PGPEP1L: variants seen among roughly 807,000 people sequenced by gnomAD.
PGPEP1L encodes the protein pyroglutamyl-peptidase I like, also known as pyroglutamyl-peptidase 1-like protein.
PGPEP1L carries 7 observed loss-of-function variants against 6.0 expected under a neutral mutation model. That is an observed-to-expected ratio of 1.17 (90% CI 0.66 to 2.19). The LOEUF (loss-of-function observed/expected upper bound fraction) is 2.19. PGPEP1L is among the 30% of genes most tolerant of loss of function. The pLI is 0.00. For missense variants in PGPEP1L, 209 were observed against 192.5 expected, an observed-to-expected ratio of 1.09 and a Z score of -0.51; for synonymous variants, 103 against 83.9, an observed-to-expected ratio of 1.23 and a Z score of -1.24.
chr15:98,969,282 C>G (rs1379603998), intron 4 of PGPEP1L, 143 bp downstream of exon 4: 2 of 1,007,848 alleles, frequency 2.0e-6, no homozygotes, highest in South Asian at 2.9e-5. Context: ...CTGCACACAG[C>G]AAAGAGGGGC....
At chr15:98,999,539 G>C (rs1002340795) in intron 2 of PGPEP1L, among the ~76,000 whole-genome samples, 2 of 152,082 alleles carry the variant, frequency 1.3e-5, no homozygotes, top group Non-Finnish European at 2.9e-5. Flanking sequence ...TTTTTTAATT[G>C]AAAGTGGATT....
intron 2 of PGPEP1L, among the ~76,000 whole-genome samples, chr15:99,004,247 TAA>T (rs1292941223): frequency 2.0e-5 from 3 of 151,040 alleles, no homozygotes. Context: ...TACTAAAAAC[TAA>T]AATAAAATAA....
At chr15:98,992,100 G>A (rs1555472141) in intron 2 of PGPEP1L, among the ~76,000 whole-genome samples, 2 of 152,134 alleles carry the variant, frequency 1.3e-5, no homozygotes, top group South Asian at 2.1e-4. Context: ...TTCTGGTCAG[G>A]GCAGTCAGGC....
chr15:98,981,452 T>C (rs1296928464), intron 2 of PGPEP1L, among the ~76,000 whole-genome samples: 5 of 143,036 alleles, frequency 3.5e-5, no homozygotes, highest in South Asian at 2.2e-4. Flanking sequence ...ATCGCACCAC[T>C]GCACTCCAGC....
intron 2 of PGPEP1L, among the ~76,000 whole-genome samples, chr15:98,990,296 AAGC>A (rs1322721011): frequency 3.9e-5 from 6 of 152,178 alleles, no homozygotes; most frequent in African/African-American, 1.4e-4. Context: ...AGAAAAAAAA[AAGC>A]AGCAGTTACA....
intron 2 of PGPEP1L, among the ~76,000 whole-genome samples, chr15:98,995,778 G>A (rs8031560): frequency 0.059 from 8,904 of 151,940 alleles, 370 homozygotes; most frequent in African/African-American, 0.12. Context: ...AATCTATCAC[G>A]CCCAAAAAAC....
intron 2 of PGPEP1L, among the ~76,000 whole-genome samples, chr15:98,971,494 CAA>C (rs532562581): frequency 6.6e-6 from 1 of 150,840 alleles, no homozygotes; most frequent in Non-Finnish European, 1.5e-5. Context: ...ACTCTGTTTC[CAA>C]AAAAAGAAAA....
Position 98,971,053 on chromosome 15 carries a change from C to G in PGPEP1L, c.-36G>C, listed in dbSNP as rs548090093. 6.2e-7 allele frequency: 1 copy of G among 1,613,838 alleles called. No individual in the cohort carries two copies. The highest frequency in any genetic ancestry group is 1.1e-5 in the South Asian group (1 of 91,076). On this transcript the variant is annotated 5_prime_UTR_variant, in exon 3 of 5. Transcript: ENST00000535714. ...TCACTTACTTGCGGCTGATGATCTT[C>G]CCAGATTCCGGTGACCCTCCGCTTA... is the stretch of plus-strand genomic sequence containing the variant.
chr15:98,969,380 G>A lies in PGPEP1L; in HGVS notation c.209+45C>T, dbSNP rs995843444. 4 of 1,606,638 alleles carry A rather than the reference G, an allele frequency of 2.5e-6. No homozygotes were observed. In the African/African-American group the frequency reaches 5.3e-5, roughly 21 times the overall value. On this transcript the variant is annotated intron_variant, in intron 4 of 4. Coordinates refer to ENST00000535714, the MANE Select transcript of PGPEP1L (RefSeq NM_001167902.2). ...GGTCGGGGGGACGCTGACGGCCATT[G>A]CTTCTCTCCTACCTGCTCAGAGTCC...
At chr15:98,989,562 G>T (rs1224554862) in intron 2 of PGPEP1L, among the ~76,000 whole-genome samples, 1 of 152,140 alleles carries the variant, frequency 6.6e-6, no homozygotes, top group Non-Finnish European at 1.5e-5. Flanking sequence ...ACTATTCAGG[G>T]TATTATCCAG....
intron 2 of PGPEP1L, among the ~76,000 whole-genome samples, chr15:98,993,408 T>A (rs1567241428): frequency 6.6e-6 from 1 of 152,186 alleles, no homozygotes; most frequent in African/African-American, 2.4e-5. Flanking sequence ...TATCATCTCA[T>A]GCCAGTTAGA....
intron 2 of PGPEP1L, among the ~76,000 whole-genome samples, chr15:98,991,061 AG>A (rs782184652): frequency 3.9e-5 from 6 of 152,218 alleles, no homozygotes; most frequent in Non-Finnish European, 8.8e-5. Flanking sequence ...GAACTAGGGA[AG>A]CAAGAACAAA....
At chr15:99,007,081 G>A (rs782241826) in intron 1 of PGPEP1L, among the ~76,000 whole-genome samples, 23 of 152,146 alleles carry the variant, frequency 1.5e-4, no homozygotes, top group Non-Finnish European at 2.8e-4. Flanking sequence ...GTGGCTTTCT[G>A]GGATTCTGAA....
At chr15:98,981,406 C>T (rs938023385) in intron 2 of PGPEP1L, among the ~76,000 whole-genome samples, 5 of 149,288 alleles carry the variant, frequency 3.3e-5, no homozygotes, top group East Asian at 4.1e-4. Flanking sequence ...AGGAGAATGG[C>T]GTGAACCCGG....
chr15:98,978,505 T>C (rs142659011), intron 2 of PGPEP1L, among the ~76,000 whole-genome samples: 2 of 152,228 alleles, frequency 1.3e-5, no homozygotes, highest in Non-Finnish European at 2.9e-5. Context: ...TGGAAGTGGA[T>C]GTGAGGATGG....
intron 2 of PGPEP1L, among the ~76,000 whole-genome samples, chr15:99,000,946 T>C (rs1489419739): frequency 6.6e-6 from 1 of 152,092 alleles, no homozygotes; most frequent in African/African-American, 2.4e-5. Context: ...TTATGAGCTG[T>C]AACTCACCAC....
At chr15:99,005,869 A>G (rs2018049725) in intron 1 of PGPEP1L, among the ~76,000 whole-genome samples, 2 of 152,306 alleles carry the variant, frequency 1.3e-5, no homozygotes, top group South Asian at 2.1e-4. Flanking sequence ...CATGGTGCTC[A>G]AAGAGGTACT....
rs2017968232 is a variant in PGPEP1L, at chr15:99,001,453, T to C, written c.-142+3976A>G. Among the ~76,000 whole-genome samples, 3 of 152,276 alleles carry C rather than the reference T, an allele frequency of 2.0e-5. No individual in the cohort carries two copies. In the South Asian group the frequency reaches 6.2e-4, roughly 32 times the overall value. On this transcript the variant is annotated intron_variant, in intron 2 of 4. Coordinates refer to ENST00000535714, the MANE Select transcript of PGPEP1L (RefSeq NM_001167902.2). ...AGCTAAGGGGTGTGGGGTTTCTTTC[T>C]GGGGTGCTGAAAATGTTCTAAAATT...
intron 2 of PGPEP1L, chr15:99,001,150 C>A (rs1555472955): frequency 2.2e-6 from 1 of 446,722 alleles, no homozygotes; most frequent in South Asian, 1.6e-5. Context: ...AAGAAATAAA[C>A]TCTGGACACG....
Sources: gnomAD v4.1 joint callset for allele counts (sites outside exome capture counted in the v4.1 genomes callset) on GRCh38, gnomAD v4.1.1 for gene constraint, MANE v1.5 for transcripts, NCBI Gene and HGNC (gene_info 2026-07-23, HGNC 2026-07-21) for gene names.